Variants in TAFA4 observed in about 807,000 individuals in gnomAD.
The protein encoded by TAFA4 is TAFA chemokine like family member 4, also known as chemokine-like protein TAFA-4.
TAFA4 carries 20 observed loss-of-function variants against 21.1 expected under a neutral mutation model. The ratio of observed to expected loss-of-function variants is 0.95; its 90% CI spans 0.67 to 1.38. The LOEUF (loss-of-function observed/expected upper bound fraction) is 1.38, where lower values mean the gene tolerates loss of function less well. TAFA4 is among the 40% of genes most tolerant of loss of function. The pLI is 0.00. For missense variants in TAFA4, 211 were observed against 180.9 expected, an observed-to-expected ratio of 1.17 and a Z score of -0.95; for synonymous variants, 71 against 67.4, an observed-to-expected ratio of 1.05 and a Z score of -0.26.
In TAFA4 at chr3:68,828,505, G is replaced by A. The variant is rs144392862; in HGVS notation, c.130+52225C>T. Among the ~76,000 whole-genome samples, 351 of 152,156 alleles carry A rather than the reference G, an allele frequency of 2.3e-3. 1 individual carries two copies. The highest frequency in any genetic ancestry group is 1.7e-3 in the South Asian group (8 of 4,824). ...TCCACGATAAGGATTCTTCCTATCC[G>A]TGAGCATGGAATGTTCTTCCATTTG... On this transcript the variant is annotated intron_variant, in intron 3 of 5. Coordinates refer to ENST00000295569, the MANE Select transcript of TAFA4 (RefSeq NM_182522.5).
intron 3 of TAFA4, among the ~76,000 whole-genome samples, chr3:68,873,337 T>TACATACAC (rs1208450049): frequency 2.2e-5 from 3 of 133,422 alleles, no homozygotes; most frequent in Non-Finnish European, 3.2e-5. Context: ...CACGCAGACA[T>TACATACAC]ACACACACAC....
At chr3:68,830,841 C>G (rs1304135471) in intron 3 of TAFA4, among the ~76,000 whole-genome samples, 3 of 152,170 alleles carry the variant, frequency 2.0e-5, no homozygotes, top group East Asian at 1.9e-4. Context: ...TTGTAGGTCT[C>G]TAAGGACTTG....
chr3:68,815,646 T>C (rs1470643003), intron 3 of TAFA4, among the ~76,000 whole-genome samples: 5 of 152,164 alleles, frequency 3.3e-5, no homozygotes, highest in Non-Finnish European at 7.3e-5. Context: ...ATGGCAATCA[T>C]TAAAAAGTCA....
chr3:68,872,059 A>G (rs1056145392), intron 3 of TAFA4, among the ~76,000 whole-genome samples: 1 of 152,132 alleles, frequency 6.6e-6, no homozygotes, highest in Non-Finnish European at 1.5e-5. Flanking sequence ...ATATCTATCC[A>G]GAAGAAAGGA....
chr3:68,779,849 G>T (rs547400792), intron 3 of TAFA4, among the ~76,000 whole-genome samples: 3 of 152,284 alleles, frequency 2.0e-5, no homozygotes, highest in African/African-American at 7.2e-5. Context: ...GTGGAGCTAT[G>T]AGAAGAGGAC....
chr3:68,850,761 C>T (rs1344833034), intron 3 of TAFA4, among the ~76,000 whole-genome samples: 1 of 150,504 alleles, frequency 6.6e-6, no homozygotes, highest in Non-Finnish European at 1.5e-5. Flanking sequence ...TATTTAAGTT[C>T]CTTGTAGATT....
chr3:68,893,417 G>A (rs1259376933), intron 1 of TAFA4, among the ~76,000 whole-genome samples: 1 of 152,160 alleles, frequency 6.6e-6, no homozygotes, highest in Non-Finnish European at 1.5e-5. Context: ...CCAGCTGCTA[G>A]TATAATATCT....
At chr3:68,834,971 T>C (rs1704488392) in intron 3 of TAFA4, among the ~76,000 whole-genome samples, 1 of 152,152 alleles carries the variant, frequency 6.6e-6, no homozygotes, top group South Asian at 2.1e-4. Context: ...CTCTAATATA[T>C]GGTCATCCTA....
At chr3:68,913,212 G>A (rs1211442313) in intron 1 of TAFA4, among the ~76,000 whole-genome samples, 1 of 152,188 alleles carries the variant, frequency 6.6e-6, no homozygotes, top group Non-Finnish European at 1.5e-5. Context: ...GCTGTGTGCT[G>A]TACATGCATC....
intron 3 of TAFA4, among the ~76,000 whole-genome samples, chr3:68,772,562 A>T (rs1431957345): frequency 1.3e-5 from 2 of 152,092 alleles, no homozygotes; most frequent in Non-Finnish European, 2.9e-5. Flanking sequence ...GACTCTGGGG[A>T]CTTAACACTA....
intron 2 of TAFA4, among the ~76,000 whole-genome samples, chr3:68,881,916 A>G (rs2089623417): frequency 1.3e-5 from 2 of 152,106 alleles, no homozygotes; most frequent in Non-Finnish European, 2.9e-5. Flanking sequence ...AAAACACATC[A>G]AAGCCTCAGG....
chr3:68,737,754 A>G (rs1421239236), intron 5 of TAFA4, among the ~76,000 whole-genome samples: 1 of 152,194 alleles, frequency 6.6e-6, no homozygotes, highest in Non-Finnish European at 1.5e-5. Context: ...ATGAATTACT[A>G]AACACTTAAG....
chr3:68,897,035 T>C (rs2089797620), intron 1 of TAFA4, among the ~76,000 whole-genome samples: 1 of 152,068 alleles, frequency 6.6e-6, no homozygotes, highest in South Asian at 2.1e-4. Flanking sequence ...CCCGAGTAGC[T>C]GGGACTACAG....
intron 3 of TAFA4, among the ~76,000 whole-genome samples, chr3:68,824,787 G>A (rs1402441818): frequency 1.3e-5 from 2 of 152,170 alleles, no homozygotes; most frequent in African/African-American, 4.8e-5. Flanking sequence ...CATGCAGGCA[G>A]CAAGGGGCAG....
At chr3:68,893,228 T>C (rs937196802) in intron 1 of TAFA4, among the ~76,000 whole-genome samples, 4 of 152,206 alleles carry the variant, frequency 2.6e-5, no homozygotes, top group Non-Finnish European at 5.9e-5. Flanking sequence ...AGTACTTGAA[T>C]TTTATCTGAA....
intron 1 of TAFA4, among the ~76,000 whole-genome samples, chr3:68,929,166 T>C (rs1351220966): frequency 6.6e-6 from 1 of 152,182 alleles, no homozygotes; most frequent in Non-Finnish European, 1.5e-5. Flanking sequence ...CATTACAAAG[T>C]GCAGTGCCAT....
chr3:68,740,457 C>T (rs1307716746), intron 4 of TAFA4, among the ~76,000 whole-genome samples: 1 of 152,202 alleles, frequency 6.6e-6, no homozygotes, highest in African/African-American at 2.4e-5. Context: ...CATTCCTTCA[C>T]CTTTTCATAT....
chr3:68,814,326 G>T (rs1400599275), intron 3 of TAFA4, among the ~76,000 whole-genome samples: 1 of 152,150 alleles, frequency 6.6e-6, no homozygotes, highest in Non-Finnish European at 1.5e-5. Flanking sequence ...GGGCAATCAG[G>T]CAGGAGAAGG....
At chr3:68,846,076 G>C (rs1348915740) in intron 3 of TAFA4, among the ~76,000 whole-genome samples, 2 of 152,028 alleles carry the variant, frequency 1.3e-5, no homozygotes, top group Admixed American at 6.6e-5. Flanking sequence ...GCTAGGTTGG[G>C]GAAGTTCTCC....
Sources: allele counts gnomAD v4.1 joint callset (sites outside exome capture counted in the v4.1 genomes callset), GRCh38; gene constraint gnomAD v4.1.1; transcripts MANE v1.5; gene names NCBI Gene and HGNC (gene_info 2026-07-23, HGNC 2026-07-21).